Variants in PCDH9 observed in about 807,000 individuals in gnomAD.
The protein encoded by PCDH9 is protocadherin 9, also known as protocadherin-9.
In PCDH9, 24 loss-of-function variants were observed where a neutral mutation model predicts 70.6. The ratio of observed to expected loss-of-function variants is 0.34; its 90% confidence interval spans 0.25 to 0.48. The LOEUF (loss-of-function observed/expected upper bound fraction) is 0.48. Ranked by LOEUF, PCDH9 falls within the 20% of genes least tolerant of loss-of-function variation. PCDH9 has a pLI of 0.99. For synonymous variants in PCDH9, 562 were observed against 558.5 expected (o/e 1.01, Z -0.09); for missense variants, 1,281 against 1,503.6 (o/e 0.85, Z 2.45).
intron 4 of PCDH9, among the ~76,000 whole-genome samples, chr13:66,586,885 T>C (rs998571805): frequency 6.6e-6 from 1 of 152,140 alleles, no homozygotes; most frequent in Non-Finnish European, 1.5e-5. Flanking sequence ...TCATCATGAG[T>C]ATCAACACTT....
chr13:66,360,463 A>T (rs1956451697), intron 4 of PCDH9, among the ~76,000 whole-genome samples: 2 of 152,118 alleles, frequency 1.3e-5, no homozygotes, highest in Admixed American at 1.3e-4. Context: ...TTGACTTTTA[A>T]CTTAAATTTA....
chr13:67,194,993 T>C (rs1477438454), intron 2 of PCDH9, among the ~76,000 whole-genome samples: 3 of 152,090 alleles, frequency 2.0e-5, no homozygotes, highest in Admixed American at 6.6e-5. Flanking sequence ...ACCGGCTTGA[T>C]TGAAAATAGG....
chr13:66,485,901 A>G (rs144185400), intron 4 of PCDH9, among the ~76,000 whole-genome samples: 18,127 of 151,082 alleles, frequency 0.12, 1,269 homozygotes, highest in Middle Eastern at 0.22. Context: ...TAATTTTTGT[A>G]TTTTTTGCTA....
At chr13:67,192,590 AG>A (rs980749145) in intron 2 of PCDH9, among the ~76,000 whole-genome samples, 29 of 152,296 alleles carry the variant, frequency 1.9e-4, no homozygotes, top group Middle Eastern at 3.4e-3. Flanking sequence ...ATTCAAAATT[AG>A]GGGGGTGGTA....
chr13:67,034,264 T>C (rs569999769), intron 2 of PCDH9, among the ~76,000 whole-genome samples: 3 of 152,298 alleles, frequency 2.0e-5, no homozygotes, highest in African/African-American at 7.2e-5. Context: ...ATTACAGGCA[T>C]GAGCCACCGT....
At chr13:66,864,764 C>G (rs989615323) in intron 3 of PCDH9, among the ~76,000 whole-genome samples, 1 of 152,120 alleles carries the variant, frequency 6.6e-6, no homozygotes, top group Non-Finnish European at 1.5e-5. Context: ...AGAAGTGAAA[C>G]TAGGAAGCAT....
chr13:66,785,718 T>C (rs796329072), intron 3 of PCDH9, among the ~76,000 whole-genome samples: 5 of 152,094 alleles, frequency 3.3e-5, no homozygotes, highest in African/African-American at 1.2e-4. Flanking sequence ...ACAAAAAGGG[T>C]GAGTATTAAT....
intron 3 of PCDH9, among the ~76,000 whole-genome samples, chr13:66,879,490 A>G (rs2081883534): frequency 6.6e-6 from 1 of 151,962 alleles, no homozygotes; most frequent in African/African-American, 2.4e-5. Flanking sequence ...GTTGGCTGCC[A>G]TTTTTTTTCT....
Position 67,168,332 on chromosome 13 carries a change from G to A in PCDH9, c.3036+57073C>T, listed in dbSNP as rs182409466. On this transcript the variant is annotated intron_variant, in intron 2 of 4. Transcript: ENST00000377865. ...TTGATTCTGAGGGCTGATACAGAACGTTCATAACCATGGGGAAATAAACAA... is the reference window on the plus strand; with the variant it reads ...TTGATTCTGAGGGCTGATACAGAACATTCATAACCATGGGGAAATAAACAA... 1.2e-4 allele frequency among the ~76,000 whole-genome samples: 19 copies of A among 152,192 alleles called. 1 individual carries two copies. The East Asian group carries it at 2.1e-3, about 17-fold the overall frequency.
At chr13:67,194,576 A>C (rs1362422631) in intron 2 of PCDH9, among the ~76,000 whole-genome samples, 1 of 152,214 alleles carries the variant, frequency 6.6e-6, no homozygotes, top group African/African-American at 2.4e-5. Flanking sequence ...GTTTAAAAGC[A>C]AATAAAAGTC....
At chr13:66,615,492 A>G (rs1427688191) in intron 4 of PCDH9, among the ~76,000 whole-genome samples, 3 of 152,190 alleles carry the variant, frequency 2.0e-5, no homozygotes, top group Non-Finnish European at 4.4e-5. Context: ...TACCCTGGAC[A>G]TTTTGCTATT....
intron 4 of PCDH9, among the ~76,000 whole-genome samples, chr13:66,456,863 T>A (rs1958327212): frequency 6.6e-6 from 1 of 152,076 alleles, no homozygotes. Flanking sequence ...AACAAACACA[T>A]GTGTACTGCC....
At chr13:66,745,427 G>A (rs762538761) in intron 3 of PCDH9, among the ~76,000 whole-genome samples, 3 of 152,112 alleles carry the variant, frequency 2.0e-5, no homozygotes, top group Non-Finnish European at 4.4e-5. Flanking sequence ...GGTAAATTGC[G>A]CCTGACCAGG....
At chr13:66,888,282 C>T (rs1306010130) in intron 3 of PCDH9, among the ~76,000 whole-genome samples, 1 of 151,898 alleles carries the variant, frequency 6.6e-6, no homozygotes, top group Non-Finnish European at 1.5e-5. Flanking sequence ...ATCACTTGAG[C>T]CCAGGAATTC....
chr13:66,658,411 T>C (rs1344141187), intron 3 of PCDH9, among the ~76,000 whole-genome samples: 2 of 152,164 alleles, frequency 1.3e-5, no homozygotes, highest in Non-Finnish European at 2.9e-5. Context: ...GAATAAACAA[T>C]TCTTAAGGGT....
intron 2 of PCDH9, among the ~76,000 whole-genome samples, chr13:67,166,464 A>G (rs371151183): frequency 1.1e-3 from 163 of 152,326 alleles, no homozygotes; most frequent in African/African-American, 3.8e-3. Flanking sequence ...CAGATTATAC[A>G]AAATGAGGAT....
chr13:66,415,054 T>C (rs1028656111), intron 4 of PCDH9, among the ~76,000 whole-genome samples: 4 of 152,086 alleles, frequency 2.6e-5, no homozygotes, highest in Non-Finnish European at 4.4e-5. Flanking sequence ...AAAATGTACA[T>C]GAGGGAAATT....
chr13:67,227,913 T>A lies in PCDH9; in HGVS notation c.528A>T (p.Val176=). 1 of 1,614,140 alleles carries A rather than the reference T, an allele frequency of 6.2e-7. No homozygotes were observed. The highest frequency in any genetic ancestry group is 1.7e-5 in the Admixed American group (1 of 60,028). ...GCCCATTTAACAATTCATAATGCTG[T>A]ACACCATTGAAGCCTGTGTCAGGAT... ...ATDPDTGFNG[V]QHYELLNGQS... is the part of the protein sequence containing the mutation. The change falls in exon 2 of 5, where the codon GTA becomes GTT. Residue 176 remains valine, a synonymous_variant. Coordinates refer to ENST00000377865, the MANE Select transcript of PCDH9 (RefSeq NM_203487.3). The surrounding 1 kb of genome is among the most constrained non-coding windows in gnomAD (Gnocchi z 4.6).
At chr13:66,717,854 A>C (rs1229287772) in intron 3 of PCDH9, among the ~76,000 whole-genome samples, 4 of 152,138 alleles carry the variant, frequency 2.6e-5, no homozygotes, top group Non-Finnish European at 5.9e-5. Flanking sequence ...ACAATTTATA[A>C]ATATGTATCT....
Sources: allele counts gnomAD v4.1 joint callset (sites outside exome capture counted in the v4.1 genomes callset), GRCh38; gene constraint gnomAD v4.1.1; non-coding constraint Gnocchi (gnomAD v3.1); transcripts MANE v1.5; gene names NCBI Gene and HGNC (gene_info 2026-07-23, HGNC 2026-07-21).